The following PAPSS2 variants were observed in gnomAD, a reference collection of about 807,000 sequenced individuals.
PAPSS2 encodes 3'-phosphoadenosine 5'-phosphosulfate synthase 2, also known as bifunctional 3'-phosphoadenosine 5'-phosphosulfate synthase 2.
In PAPSS2, 61 loss-of-function variants were observed where a neutral mutation model predicts 66.5. The ratio of observed to expected loss-of-function variants is 0.92; its 90% confidence interval spans 0.75 to 1.14. The LOEUF is 1.14. Among genes scored for constraint, PAPSS2 ranks in the 50% most tolerant of loss-of-function variants. PAPSS2 has a pLI of 0.00. For synonymous variants in PAPSS2, 289 were observed against 287.5 expected, an observed-to-expected ratio of 1.01 and a Z score of -0.05; for missense variants, 708 against 789.6, an observed-to-expected ratio of 0.90 and a Z score of 1.24.
At chr10:87,714,664 C>A (rs1391122589) in intron 4 of PAPSS2, 81 bp from the exon 5 acceptor site, 3 of 882,172 alleles carry the variant, frequency 3.4e-6, no homozygotes, top group Non-Finnish European at 5.8e-6. Context: ...ATACATTATT[C>A]CAACATGTGT....
At chr10:87,707,176 C>A (rs572320201) in intron 1 of PAPSS2, among the ~76,000 whole-genome samples, 1 of 152,174 alleles carries the variant, frequency 6.6e-6, no homozygotes, top group African/African-American at 2.4e-5. Flanking sequence ...TAAAGGGCCA[C>A]GCAGGAAAGG....
intron 1 of PAPSS2, among the ~76,000 whole-genome samples, chr10:87,682,715 C>T (rs566370548): frequency 1.6e-4 from 25 of 152,224 alleles, no homozygotes; most frequent in Non-Finnish European, 2.9e-4. Flanking sequence ...AGATGTTGAA[C>T]ACATAAGGTC....
Position 87,729,164 on chromosome 10 carries a change from T to C in PAPSS2, c.1086+1675T>C, listed in dbSNP as rs141806670. ...CACTAAAAAAACCTGAAGAGTTTCT[T>C]AAGTGATTACAGGCATACCTCATTT... On this transcript the variant is annotated intron_variant, in intron 9 of 12. Coordinates refer to ENST00000456849, the MANE Select transcript of PAPSS2 (RefSeq NM_001015880.2). Among the ~76,000 whole-genome samples the C allele has an allele frequency of 1.5e-3, 233 of 152,200 alleles. 2 individuals carry two copies. The East Asian group carries it at 0.03, about 19-fold the overall frequency.
At chr10:87,708,295 C>T (rs1294734415) in intron 1 of PAPSS2, among the ~76,000 whole-genome samples, 2 of 152,146 alleles carry the variant, frequency 1.3e-5, no homozygotes, top group Admixed American at 6.5e-5. Context: ...TCCATTTCTG[C>T]TGGGCTTTTT....
intron 1 of PAPSS2, among the ~76,000 whole-genome samples, chr10:87,671,742 A>C (rs1852880713): frequency 6.6e-6 from 1 of 152,218 alleles, no homozygotes; most frequent in Non-Finnish European, 1.5e-5. Context: ...TTATATACAC[A>C]GCCTAATAAC....
chr10:87,687,774 C>A (rs1853106642), intron 1 of PAPSS2, among the ~76,000 whole-genome samples: 1 of 152,066 alleles, frequency 6.6e-6, no homozygotes, highest in African/African-American at 2.4e-5. Context: ...GAAATATCAC[C>A]TTGTACTTCA....
intron 1 of PAPSS2, among the ~76,000 whole-genome samples, chr10:87,707,315 G>A (rs1239694015): frequency 6.6e-6 from 1 of 152,194 alleles, no homozygotes; most frequent in African/African-American, 2.4e-5. Flanking sequence ...AAGGCCGGTA[G>A]GGTCCCCTAA....
intron 1 of PAPSS2, among the ~76,000 whole-genome samples, chr10:87,692,774 A>C (rs2131914870): frequency 6.6e-6 from 1 of 152,286 alleles, no homozygotes; most frequent in Non-Finnish European, 1.5e-5. Context: ...TGTTGATTTC[A>C]CTTGGGTCAA....
intron 1 of PAPSS2, among the ~76,000 whole-genome samples, chr10:87,665,272 C>T (rs901402252): frequency 6.6e-5 from 10 of 151,450 alleles, no homozygotes; most frequent in Non-Finnish European, 1.2e-4. Flanking sequence ...AGTGCAGTGG[C>T]GTGATCTCAG....
chr10:87,725,804 T>A (rs1189851756), intron 8 of PAPSS2, among the ~76,000 whole-genome samples: 1 of 151,822 alleles, frequency 6.6e-6, no homozygotes, highest in African/African-American at 2.4e-5. Context: ...CAGGTGACCC[T>A]CTTGCCTCAG....
chr10:87,668,299 G>T (rs1852837550), intron 1 of PAPSS2, among the ~76,000 whole-genome samples: 1 of 152,042 alleles, frequency 6.6e-6, no homozygotes, highest in Non-Finnish European at 1.5e-5. Context: ...TTCAGTTCCT[G>T]TCAAAATCCT....
chr10:87,717,725 G>A lies in PAPSS2; in HGVS notation c.865+1882G>A, dbSNP rs546985000. 2.0e-5 allele frequency among the ~76,000 whole-genome samples: 3 copies of A among 152,094 alleles called. No individual in the cohort carries two copies. In the South Asian group the frequency reaches 6.2e-4, roughly 32 times the overall value. On this transcript the variant is annotated intron_variant, in intron 7 of 12. Transcript: ENST00000456849. ...CTACAGGCATGTACCACCATGCCTG[G>A]CAGATTTCTAAATTTGTTTTGTAGA...
At chr10:87,703,008 C>T (rs887918219) in intron 1 of PAPSS2, among the ~76,000 whole-genome samples, 1 of 152,160 alleles carries the variant, frequency 6.6e-6, no homozygotes, top group Non-Finnish European at 1.5e-5. Flanking sequence ...TGGCAGTCCT[C>T]TTTCTGTGCC....
chr10:87,740,506 C>A (rs954925206), intron 9 of PAPSS2, among the ~76,000 whole-genome samples: 1 of 152,158 alleles, frequency 6.6e-6, no homozygotes, highest in Non-Finnish European at 1.5e-5. Context: ...ATTGCAAAAT[C>A]ATTCATGGGT....
At chr10:87,703,262 TGAC>T in intron 1 of PAPSS2, among the ~76,000 whole-genome samples, 1 of 147,042 alleles carries the variant, frequency 6.8e-6, no homozygotes, top group Non-Finnish European at 1.5e-5. Flanking sequence ...GCAGCAATAA[TGAC>T]AACAACATTG....
At position 87,718,775 on chromosome 10, in the gene PAPSS2, A is replaced by G. The variant is rs969731993; in HGVS notation, c.865+2932A>G. Among the ~76,000 whole-genome samples the G allele has an allele frequency of 2.6e-5, 4 of 152,194 alleles. No individual in the cohort carries two copies. The South Asian group carries it at 6.2e-4, about 24-fold the overall frequency. On this transcript the variant is annotated intron_variant, in intron 7 of 12. Transcript: ENST00000456849. ...GTTTCCTTCCTCTGTATTAACCTCA[A>G]TTGAAGACTGTCTAGGAGGTTGCTT...
chr10:87,675,116 T>C (rs114585050), intron 1 of PAPSS2, among the ~76,000 whole-genome samples: 2,442 of 152,356 alleles, frequency 0.016, 64 homozygotes, highest in African/African-American at 0.056. Flanking sequence ...TATTTTGTCT[T>C]TTTAAAACAC....
At chr10:87,720,272 C>T (rs1479511331) in intron 7 of PAPSS2, among the ~76,000 whole-genome samples, 1 of 152,178 alleles carries the variant, frequency 6.6e-6, no homozygotes, top group Admixed American at 6.6e-5. Flanking sequence ...CTGCCTCACT[C>T]CCCCAGTAGA....
In PAPSS2 at chr10:87,739,892, C is replaced by T. The variant is rs193085342; in HGVS notation, c.1087-1343C>T. Among the ~76,000 whole-genome samples the T allele has an allele frequency of 2.9e-3, 442 of 152,302 alleles. 1 individual carries two copies. Among genetic ancestry groups the T allele is most frequent in the African/African-American group, 0.01 (416 of 41,574 alleles). ...TATTAAATCTTGGCCCTTGAGTCCC[C>T]GTCTTTTTAGTATTCCATTACAAAA... On this transcript the variant is annotated intron_variant, in intron 9 of 12. Transcript: ENST00000456849.
Sources: allele counts gnomAD v4.1 joint callset (sites outside exome capture counted in the v4.1 genomes callset), GRCh38; gene constraint gnomAD v4.1.1; transcripts MANE v1.5; gene names NCBI Gene and HGNC (gene_info 2026-07-23, HGNC 2026-07-21).